TRIM71: variants seen among roughly 807,000 people sequenced by gnomAD.
TRIM71 encodes the protein E3 ubiquitin-protein ligase TRIM71.
TRIM71 carries 9 observed loss-of-function variants against 61.2 expected under a neutral mutation model. The observed-to-expected ratio is 0.15, with a 90% confidence interval of 0.09 to 0.26. The LOEUF is 0.26. Ranked by LOEUF, TRIM71 falls within the 10% of genes least tolerant of loss-of-function variation. The pLI is 1.00. For synonymous variants in TRIM71, 645 were observed against 553.2 expected (o/e 1.17, Z -2.33); for missense variants, 998 against 1,238.7 (o/e 0.81, Z 2.92).
At chr3:32,855,339 CT>C in intron 1 of TRIM71, among the ~76,000 whole-genome samples, 1 of 150,268 alleles carries the variant, frequency 6.7e-6, no homozygotes, top group Non-Finnish European at 1.5e-5. Flanking sequence ...GGGAAAGTGT[CT>C]AGGGAGGTAG....
intron 1 of TRIM71, among the ~76,000 whole-genome samples, chr3:32,825,968 C>T (rs144629591): frequency 2.6e-5 from 4 of 152,208 alleles, no homozygotes; most frequent in African/African-American, 9.6e-5. Flanking sequence ...GACTTGTCAA[C>T]CTAAAAAGTG....
At chr3:32,821,413 C>T (rs999729878) in intron 1 of TRIM71, among the ~76,000 whole-genome samples, 1 of 152,114 alleles carries the variant, frequency 6.6e-6, no homozygotes, top group African/African-American at 2.4e-5. Context: ...GGCCCAAACA[C>T]CCTACCCCAG....
At position 32,818,125 on chromosome 3, in the gene TRIM71, C is replaced by G. The variant is rs767447044; in HGVS notation, c.45C>G (p.Cys15Trp). Reference protein sequence around the residue: ...PETDFQICLLCKEMCGSPAPL... With the variant: ...PETDFQICLLWKEMCGSPAPL... ...CCGATTTCCAGATCTGCTTGCTGTG[C>G]AAGGAGATGTGCGGCTCGCCGGCGC... The change falls in exon 1 of 4, where the codon TGC (cysteine) becomes TGG (tryptophan). Residue 15 changes from cysteine (C) to tryptophan (W), a missense_variant. Transcript: ENST00000383763. 2 of 1,612,142 alleles carry G rather than the reference C, an allele frequency of 1.2e-6. No individual in the cohort carries two copies. Among genetic ancestry groups the G allele is most frequent in the Non-Finnish European group, 1.7e-6 (2 of 1,179,120 alleles).
chr3:32,841,508 C>CA (rs999009945), intron 1 of TRIM71, among the ~76,000 whole-genome samples: 4 of 151,018 alleles, frequency 2.6e-5, no homozygotes, highest in South Asian at 2.1e-4. Context: ...CCTGTCTCTA[C>CA]AAAAAAAATA....
At chr3:32,826,380 G>T (rs1421918730) in intron 1 of TRIM71, among the ~76,000 whole-genome samples, 1 of 152,150 alleles carries the variant, frequency 6.6e-6, no homozygotes, top group African/African-American at 2.4e-5. Context: ...GGAGGTTGCA[G>T]TGGGCCAGGA....
intron 1 of TRIM71, among the ~76,000 whole-genome samples, chr3:32,820,776 A>G (rs1210895535): frequency 6.6e-6 from 1 of 152,210 alleles, no homozygotes; most frequent in Non-Finnish European, 1.5e-5. Flanking sequence ...GGGAGTGTGA[A>G]TTGAGAAGTG....
chr3:32,883,466 C>G (rs1696930115), intron 2 of TRIM71, among the ~76,000 whole-genome samples: 2 of 152,240 alleles, frequency 1.3e-5, no homozygotes. Flanking sequence ...GCATCCTTGG[C>G]TTGTACCTGC....
At chr3:32,886,252 G>A (rs1696960847) in intron 3 of TRIM71, among the ~76,000 whole-genome samples, 184 bp downstream of exon 3, 1 of 152,204 alleles carries the variant, frequency 6.6e-6, no homozygotes, top group Non-Finnish European at 1.5e-5. Context: ...GGTGCTGTCT[G>A]CAGTAAAACA....
At chr3:32,842,362 T>C (rs1696416716) in intron 1 of TRIM71, among the ~76,000 whole-genome samples, 1 of 152,208 alleles carries the variant, frequency 6.6e-6, no homozygotes. Flanking sequence ...TTTGTCTTCT[T>C]TGTAAGCTGC....
At chr3:32,880,925 A>G (rs1696901139) in intron 2 of TRIM71, among the ~76,000 whole-genome samples, 1 of 152,172 alleles carries the variant, frequency 6.6e-6, no homozygotes, top group African/African-American at 2.4e-5. Context: ...GTGTACATTT[A>G]TTTTACATAC....
chr3:32,848,635 G>T (rs1445327716), intron 1 of TRIM71, among the ~76,000 whole-genome samples: 2 of 152,072 alleles, frequency 1.3e-5, no homozygotes, highest in Non-Finnish European at 2.9e-5. Flanking sequence ...CTATGATTAG[G>T]GTCCTGAGGT....
At chr3:32,864,204 G>T (rs905221049) in intron 1 of TRIM71, among the ~76,000 whole-genome samples, 7 of 152,150 alleles carry the variant, frequency 4.6e-5, no homozygotes, top group African/African-American at 1.7e-4. Context: ...TCAGCCTTCT[G>T]AGTAGCTATC....
intron 1 of TRIM71, among the ~76,000 whole-genome samples, chr3:32,829,095 G>A (rs1182147219): frequency 1.3e-5 from 2 of 151,906 alleles, no homozygotes; most frequent in Non-Finnish European, 2.9e-5. Flanking sequence ...CCAGGTTCAA[G>A]CAATTCTTCT....
At chr3:32,860,192 C>T (rs912492413) in intron 1 of TRIM71, among the ~76,000 whole-genome samples, 1 of 141,106 alleles carries the variant, frequency 7.1e-6, no homozygotes, top group African/African-American at 2.6e-5. Context: ...GAATTTCACT[C>T]TTGTCAACCA....
In TRIM71 at chr3:32,868,702, A is replaced by ATTTT. The variant is rs1299364071; in HGVS notation, c.853-5116_853-5115insTTTT. 3.5e-3 allele frequency among the ~76,000 whole-genome samples: 491 copies of ATTTT among 142,008 alleles called. 9 individuals are homozygous for ATTTT. The highest frequency in any genetic ancestry group is 9.5e-4 in the Non-Finnish European group (64 of 67,390). The allele number at this position is 142,008 out of a possible 152,430, so 93.2% of individuals were successfully genotyped here. On this transcript the variant is annotated intron_variant, in intron 1 of 3. Transcript: ENST00000383763. ...GACATTAGGGTTTTTTTTTTTTTTA[A>ATTTT]AAAACTGTTTGCTTGTATTACTTTC...
rs545795144 is a variant in TRIM71, at chr3:32,818,717, C to T, written c.637C>T (p.Leu213Phe). ...DEGNAASSRCLDCQEHLCDNC... is the reference protein window; with the variant it reads ...DEGNAASSRCFDCQEHLCDNC... The stretch of plus-strand genomic sequence containing the variant: ...GGGCAACGCAGCTTCTTCGCGCTGC[C>T]TCGACTGCCAGGAGCACCTGTGCGA... Residue 213 changes from leucine (L) to phenylalanine (F), a missense_variant, in exon 1 of 4, where the codon CTC becomes TTC. Coordinates refer to ENST00000383763, the MANE Select transcript of TRIM71 (RefSeq NM_001039111.3). 5.6e-6 allele frequency: 9 copies of T among 1,593,306 alleles called. No homozygotes were observed. The highest frequency in any genetic ancestry group is 3.4e-5 in the Admixed American group (2 of 58,802).
Position 32,854,366 on chromosome 3 carries a change from A to G in TRIM71, c.853-19452A>G, listed in dbSNP as rs1470261325. On this transcript the variant is annotated intron_variant, in intron 1 of 3. Transcript: ENST00000383763. ...ATAGTTGTTTCTGGAGAGACACCTC[A>G]TTCATGGACATATACATGTAAAGAT... Among the ~76,000 whole-genome samples the G allele has an allele frequency of 2.6e-5, 4 of 152,184 alleles. No homozygotes were observed. In the East Asian group the frequency reaches 7.7e-4, roughly 29 times the overall value.
chr3:32,868,201 C>G (rs1342966408), intron 1 of TRIM71, among the ~76,000 whole-genome samples: 2 of 152,142 alleles, frequency 1.3e-5, no homozygotes, highest in Non-Finnish European at 2.9e-5. Context: ...CTGGCATCCC[C>G]TGCTGGCCTT....
chr3:32,836,833 A>G (rs1696339922), intron 1 of TRIM71, among the ~76,000 whole-genome samples: 1 of 152,150 alleles, frequency 6.6e-6, no homozygotes, highest in South Asian at 2.1e-4. Flanking sequence ...ACTGGTAGCT[A>G]TTATACTGGT....
Sources: gnomAD v4.1 joint callset for allele counts (sites outside exome capture counted in the v4.1 genomes callset) on GRCh38, gnomAD v4.1.1 for gene constraint, MANE v1.5 for transcripts, NCBI Gene and HGNC (gene_info 2026-07-23, HGNC 2026-07-21) for gene names.